The following SCNN1G variants were observed in gnomAD, a reference collection of about 807,000 sequenced individuals.
SCNN1G encodes the protein epithelial sodium channel subunit gamma.
In SCNN1G, 27 loss-of-function variants were observed where a neutral mutation model predicts 64.6. The observed-to-expected ratio is 0.42, with a 90% CI of 0.31 to 0.58. The LOEUF is 0.58. SCNN1G is among the 20% of genes least tolerant of loss of function. The pLI, the probability that SCNN1G is intolerant of heterozygous loss-of-function variation, is 0.18. For missense variants in SCNN1G, 743 were observed against 823.4 expected, an observed-to-expected ratio of 0.90 and a Z score of 1.19; for synonymous variants, 330 against 314.2, an observed-to-expected ratio of 1.05 and a Z score of -0.53.
chr16:23,194,097 T>G, intron 4 of SCNN1G, 74 bp from the exon 5 acceptor site: 1 of 978,794 alleles, frequency 1.0e-6, no homozygotes, highest in East Asian at 2.4e-5. Flanking sequence ...TTGGCTCCAT[T>G]AGCACTGCCC....
At chr16:23,203,166 A>G (rs555068184) in intron 6 of SCNN1G, among the ~76,000 whole-genome samples, 33 of 152,348 alleles carry the variant, frequency 2.2e-4, no homozygotes, top group Non-Finnish European at 3.8e-4. Flanking sequence ...ATAAGCAAGT[A>G]CAGTCGAGAG....
At chr16:23,204,334 T>TATATATATAG (rs1567267153) in intron 6 of SCNN1G, among the ~76,000 whole-genome samples, 1 of 15,176 alleles carries the variant, frequency 6.6e-5, no homozygotes, top group Non-Finnish European at 1.1e-4. Context: ...TATATATATA[T>TATATATATAG]AGAGAGAGAG....
intron 7 of SCNN1G, 108 bp from the exon 8 acceptor site, chr16:23,211,926 T>A: frequency 1.2e-6 from 1 of 832,700 alleles, no homozygotes; most frequent in Non-Finnish European, 2.1e-6. Flanking sequence ...GTTCATGTGG[T>A]TGGCCAAGGT....
Position 23,186,324 on chromosome 16 carries a change from CG to C in SCNN1G, c.56del (p.Gly19AlafsTer10). ...KAKIKKNLPV[T>X]GPQAPTIKEL... is the part of the protein sequence containing the mutation. Reference sequence around the variant, plus strand: ...AAAATCAAGAAGAATCTGCCCGTGACGGGCCCTCAGGCGCCGACCATTAAAG... The same window carrying C: ...AAAATCAAGAAGAATCTGCCCGTGACGGCCCTCAGGCGCCGACCATTAAAG... On this transcript the variant is annotated frameshift_variant, in exon 2 of 13. Coordinates refer to ENST00000300061, the MANE Select transcript of SCNN1G (RefSeq NM_001039.4). LOFTEE classifies it high-confidence loss of function. The C allele has an allele frequency of 1.2e-6, 2 of 1,614,248 alleles. No homozygotes were observed. Among genetic ancestry groups the C allele is most frequent in the Non-Finnish European group, 1.7e-6 (2 of 1,180,036 alleles).
intron 1 of SCNN1G, among the ~76,000 whole-genome samples, chr16:23,183,978 G>A (rs1348791561): frequency 5.3e-5 from 8 of 152,140 alleles, no homozygotes; most frequent in Admixed American, 6.6e-5. Context: ...TACCTCAGAC[G>A]ATTATCGTGA....
intron 6 of SCNN1G, among the ~76,000 whole-genome samples, chr16:23,204,327 ATATAT>A (rs2141939728): frequency 1.0e-5 from 1 of 96,754 alleles, no homozygotes; most frequent in South Asian, 3.9e-4. Flanking sequence ...ATATATATAT[ATATAT>A]ATAGAGAGAG....
At chr16:23,194,602 G>A (rs1179281340) in intron 5 of SCNN1G, among the ~76,000 whole-genome samples, 2 of 152,194 alleles carry the variant, frequency 1.3e-5, no homozygotes, top group African/African-American at 4.8e-5. Context: ...TCCAAAGGGA[G>A]TTGAGCCCAG....
chr16:23,215,399 A>G lies in SCNN1G; in HGVS notation c.1880A>G (p.Tyr627Cys). 6.2e-7 allele frequency: 1 copy of G among 1,613,990 alleles called. No homozygotes were observed. The highest frequency in any genetic ancestry group is 8.5e-7 in the Non-Finnish European group (1 of 1,180,014). Residue 627 changes from tyrosine (Y) to cysteine (C), a missense_variant, in exon 13 of 13, where the codon TAC (tyrosine) becomes TGC (cysteine). By Grantham distance (194) the Tyr-to-Cys change is radical (BLOSUM62 -2). Coordinates refer to ENST00000300061, the MANE Select transcript of SCNN1G (RefSeq NM_001039.4). ...TQVPGTPPPK[Y>C]NTLRLERAFS... ...GTGCCCGGCACACCGCCCCCCAAAT[A>G]CAATACCTTGCGCTTGGAGAGGGCC...
intron 1 of SCNN1G, among the ~76,000 whole-genome samples, chr16:23,185,812 G>C (rs1959596331): frequency 6.6e-6 from 1 of 152,186 alleles, no homozygotes; most frequent in Admixed American, 6.5e-5. Context: ...TAATGAGATA[G>C]GAATGCTGCC....
intron 6 of SCNN1G, among the ~76,000 whole-genome samples, chr16:23,202,952 T>C (rs1483388154): frequency 6.6e-6 from 1 of 152,164 alleles, no homozygotes; most frequent in Non-Finnish European, 1.5e-5. Flanking sequence ...GACCTGGAGT[T>C]AAGGAGAAAA....
intron 2 of SCNN1G, 86 bp downstream of exon 2, chr16:23,186,674 G>T: frequency 4.2e-6 from 5 of 1,182,900 alleles, no homozygotes; most frequent in Non-Finnish European, 6.2e-6. Context: ...CACACTGGCA[G>T]CCTGGAGGTC....
intron 2 of SCNN1G, among the ~76,000 whole-genome samples, chr16:23,188,424 A>G (rs555225491): frequency 6.6e-5 from 10 of 152,188 alleles, no homozygotes; most frequent in African/African-American, 2.2e-4. Context: ...AAGTGGGAGG[A>G]TTGCTTGAGC....
intron 7 of SCNN1G, among the ~76,000 whole-genome samples, chr16:23,211,552 A>C (rs1002236376): frequency 1.3e-5 from 2 of 152,200 alleles, no homozygotes; most frequent in Admixed American, 1.3e-4. Context: ...GCTCATGCCT[A>C]TAATCCCAGC....
At chr16:23,190,831 ATTTTTTTTTTT>A (rs896029487) in intron 3 of SCNN1G, among the ~76,000 whole-genome samples, 3 of 56,232 alleles carry the variant, frequency 5.3e-5, no homozygotes, top group African/African-American at 6.8e-5. Flanking sequence ...ATTTGAGGGG[ATTTTTTTTTTT>A]TTTTTTTTTT....
At chr16:23,194,429 A>G (rs1428218373) in intron 5 of SCNN1G, among the ~76,000 whole-genome samples, 155 bp downstream of exon 5, 1 of 152,194 alleles carries the variant, frequency 6.6e-6, no homozygotes, top group Non-Finnish European at 1.5e-5. Flanking sequence ...TGTTTCCATC[A>G]GTGTTCATGC....
chr16:23,212,750 C>T lies in SCNN1G; in HGVS notation c.1367C>T (p.Ala456Val). ...ELGCQSVCKE[A>V]CSFKEWTLTT... ...GGCTGCCAGTCTGTGTGCAAGGAAG[C>T]CTGCAGGTATGTGGACCCCAAGGGG... Residue 456 changes from alanine to valine, a missense_variant, in exon 9 of 13, where the codon GCC becomes GTC. Ala to Val is a moderately conservative substitution (Grantham distance 64, BLOSUM62 0). Coordinates refer to ENST00000300061, the MANE Select transcript of SCNN1G (RefSeq NM_001039.4). 1 of 1,614,050 alleles carries T rather than the reference C, an allele frequency of 6.2e-7. No individual in the cohort carries two copies. Among genetic ancestry groups the T allele is most frequent in the Non-Finnish European group, 8.5e-7 (1 of 1,179,932 alleles).
chr16:23,215,445 T>A lies in SCNN1G; in HGVS notation c.1926T>A (p.Asp642Glu). The A allele has an allele frequency of 6.2e-7, 1 of 1,612,036 alleles. No homozygotes were observed. Among genetic ancestry groups the A allele is most frequent in the Non-Finnish European group, 8.5e-7 (1 of 1,180,006 alleles). Residue 642 changes from aspartate to glutamate, a missense_variant, in exon 13 of 13, where the codon GAT becomes GAA. Physicochemically the swap from Asp to Glu is conservative, Grantham distance 45. Coordinates refer to ENST00000300061, the MANE Select transcript of SCNN1G (RefSeq NM_001039.4). ...LERAFSNQLTDTQMLDEL is the reference protein window; with the variant it reads ...LERAFSNQLTETQMLDEL ...GGGCCTTTTCCAACCAGCTCACAGA[T>A]ACCCAGATGCTGGATGAGCTCTGAG...
At position 23,215,614 on chromosome 16, in the gene SCNN1G, C is replaced by T. The variant is rs934607554; in HGVS notation, c.*145C>T. The stretch of plus-strand genomic sequence containing the variant: ...TCTGACCAAAAAGCCTGCTTTAAAC[C>T]GCAAGATGGGGCCTGGGCATGCGCA... On this transcript the variant is annotated 3_prime_UTR_variant, in exon 13 of 13. Transcript: ENST00000300061. 54 of 941,714 alleles carry T rather than the reference C, an allele frequency of 5.7e-5. 1 individual carries two copies. The Middle Eastern group carries it at 1.9e-3, about 33-fold the overall frequency. The allele number at this position is 941,714 out of a possible 1,614,324, so 58.3% of individuals were successfully genotyped here. A position where few individuals can be genotyped will look rare whatever the true frequency, so the allele number is the denominator to read the frequency against.
At position 23,213,093 on chromosome 16, in the gene SCNN1G, C is replaced by G; in HGVS notation, c.1432-9C>G. The G allele has an allele frequency of 6.2e-7, 1 of 1,613,600 alleles. No individual in the cohort carries two copies. Among genetic ancestry groups the G allele is most frequent in the Non-Finnish European group, 8.5e-7 (1 of 1,179,560 alleles). ...ACCCTCAGGCCCACGCTTTCTCTCT[C>G]CGTTGTAGAAGTGGTTGCTGCCTGT... On this transcript the variant is annotated splice_polypyrimidine_tract_variant and intron_variant, in intron 10 of 12. Transcript: ENST00000300061.
Sources: gnomAD v4.1 joint callset for allele counts (sites outside exome capture counted in the v4.1 genomes callset) on GRCh38, gnomAD v4.1.1 for gene constraint, MANE v1.5 for transcripts, NCBI Gene and HGNC (gene_info 2026-07-23, HGNC 2026-07-21) for gene names.